The following ACSBG1 variants were observed in gnomAD, a reference collection of about 807,000 sequenced individuals.
The protein encoded by ACSBG1 is acyl-CoA synthetase bubblegum family member 1.
Under a neutral mutation model 80.2 loss-of-function variants are expected in ACSBG1, and 39 were observed. The observed-to-expected ratio is 0.49, with a 90% CI of 0.38 to 0.64. The LOEUF (loss-of-function observed/expected upper bound fraction) is 0.64. Among genes scored for constraint, ACSBG1 ranks in the 30% least tolerant of loss-of-function variants. The pLI, the probability that ACSBG1 is intolerant of heterozygous loss-of-function variation, is 0.00. For missense variants in ACSBG1, 828 were observed against 966.4 expected, an observed-to-expected ratio of 0.86 and a Z score of 1.90; for synonymous variants, 392 against 379.5, an observed-to-expected ratio of 1.03 and a Z score of -0.38.
Position 78,178,634 on chromosome 15 carries a change from T to C in ACSBG1, c.1682A>G (p.Tyr561Cys), listed in dbSNP as rs2074907366. 6.2e-7 allele frequency: 1 copy of C among 1,612,880 alleles called. No individual in the cohort carries two copies. The highest frequency in any genetic ancestry group is 8.5e-7 in the Non-Finnish European group (1 of 1,179,634). Residue 561 changes from tyrosine (Y) to cysteine (C), a missense_variant, in exon 11 of 14, where the codon TAC becomes TGC. Around this residue, in one of 3 missense-constraint regions of ACSBG1, gnomAD observed 201 missense variants for 227.0 expected, o/e 0.89. Transcript: ENST00000258873. This position sits in a 1 kb window ranked among gnomAD's most constrained non-coding sequence, Gnocchi z 4.3. ...CTCACCTTTGAGGCGCCCAGTGATG[T>C]AGAGGAAGCCATCGGCGTCCAGGCG... Reference protein sequence around the residue: ...AGRLDADGFLYITGRLKELII... With the variant: ...AGRLDADGFLCITGRLKELII...
intron 2 of ACSBG1, among the ~76,000 whole-genome samples, chr15:78,199,645 C>T (rs1008750260): frequency 1.3e-5 from 2 of 151,466 alleles, no homozygotes; most frequent in African/African-American, 2.4e-5. Flanking sequence ...CAGGTGCATG[C>T]CACCATTCCC....
rs764526712 is a variant in ACSBG1 at position 78,208,074 on chromosome 15, T to C, written c.160A>G (p.Lys54Glu). The part of the protein sequence containing the change: ...SSLTDRQPLS[K>E]ESLNHALELS... ...TCGAGAGCATGGTTCAGGGACTCTT[T>C]GGAGAGTGGCTGCCTGTCAGTCAGT... The change falls in exon 2 of 14, where the codon AAA (lysine) becomes GAA (glutamate). Residue 54 changes from lysine to glutamate, a missense_variant. Lys to Glu is a moderately conservative substitution (Grantham distance 56). Transcript: ENST00000258873. 1 of 1,614,072 alleles carries C rather than the reference T, an allele frequency of 6.2e-7. No homozygotes were observed. The highest frequency in any genetic ancestry group is 8.5e-7 in the Non-Finnish European group (1 of 1,179,994).
intron 2 of ACSBG1, among the ~76,000 whole-genome samples, chr15:78,204,824 C>A (rs536685318): frequency 8.5e-5 from 13 of 152,334 alleles, no homozygotes; most frequent in South Asian, 2.1e-4. Flanking sequence ...GGCTCCCTAG[C>A]GCATAGCTCC....
At chr15:78,217,655 C>T (rs1485839776) in intron 1 of ACSBG1, among the ~76,000 whole-genome samples, 1 of 151,814 alleles carries the variant, frequency 6.6e-6, no homozygotes, top group African/African-American at 2.4e-5. Context: ...CAACCACTGC[C>T]TCCTGGGTTC....
At chr15:78,214,365 C>T (rs1411379630) in intron 1 of ACSBG1, among the ~76,000 whole-genome samples, 1 of 152,126 alleles carries the variant, frequency 6.6e-6, no homozygotes, top group South Asian at 2.1e-4. Context: ...TTGCCTCTGG[C>T]GTGAGTGAGG....
At chr15:78,230,241 G>C (rs2075435559) in intron 1 of ACSBG1, among the ~76,000 whole-genome samples, 2 of 152,194 alleles carry the variant, frequency 1.3e-5, no homozygotes, top group Admixed American at 1.3e-4. Flanking sequence ...AGACCCCACG[G>C]GTTTTGCCTC....
At chr15:78,186,982 T>C (rs1434589379) in intron 5 of ACSBG1, among the ~76,000 whole-genome samples, 1 of 152,016 alleles carries the variant, frequency 6.6e-6, no homozygotes, top group Non-Finnish European at 1.5e-5. Context: ...TAAAAAATGA[T>C]AAAGGGGATA....
At position 78,193,405 on chromosome 15, in the gene ACSBG1, G is replaced by T. The variant is rs1309773550; in HGVS notation, c.663+101C>A. On this transcript the variant is annotated intron_variant, in intron 5 of 13. Coordinates refer to ENST00000258873, the MANE Select transcript of ACSBG1 (RefSeq NM_015162.5). The stretch of plus-strand genomic sequence containing the variant: ...TTAGAGGGTTGCCGTTGAGGATGAG[G>T]ACACTCTGGATGGAGGGCGGGAAGG... 5 of 1,500,268 alleles carry T rather than the reference G, an allele frequency of 3.3e-6. No homozygotes were observed. The African/African-American group carries it at 7.0e-5, about 21-fold the overall frequency. The allele number at this position is 1,500,268 out of a possible 1,614,324, so 92.9% of individuals were successfully genotyped here. A position where few individuals can be genotyped will look rare whatever the true frequency, so the allele number is the denominator to read the frequency against.
chr15:78,200,155 G>A (rs1448029241), intron 2 of ACSBG1, among the ~76,000 whole-genome samples: 3 of 152,188 alleles, frequency 2.0e-5, no homozygotes, highest in South Asian at 2.1e-4. Context: ...CTTCCATGGA[G>A]CCTGTGCTTT....
At chr15:78,202,400 G>T (rs572224931) in intron 2 of ACSBG1, among the ~76,000 whole-genome samples, 1 of 151,996 alleles carries the variant, frequency 6.6e-6, no homozygotes, top group Non-Finnish European at 1.5e-5. Context: ...TAGTAGAGAC[G>T]GGGTATCACT....
At chr15:78,209,079 C>T (rs2075244631) in intron 1 of ACSBG1, 1 of 362,924 alleles carries the variant, frequency 2.8e-6, no homozygotes, top group African/African-American at 2.9e-5. Flanking sequence ...CCAGGGAGCC[C>T]TGTCTGTCAG....
At chr15:78,184,476 C>G (rs2074979901) in intron 5 of ACSBG1, among the ~76,000 whole-genome samples, 1 of 152,020 alleles carries the variant, frequency 6.6e-6, no homozygotes, top group South Asian at 2.1e-4. Flanking sequence ...AGCTGCTGCA[C>G]CTGGCCTTAT....
chr15:78,170,276 C>T lies in ACSBG1; in HGVS notation c.*1168G>A, dbSNP rs1332672313. 6.6e-6 allele frequency: 1 copy of T among 152,100 alleles called. No homozygotes were observed. Among genetic ancestry groups the T allele is most frequent in the African/African-American group, 2.4e-5 (1 of 41,384 alleles). The allele number at this position is 152,100 out of a possible 1,614,324, so 9.4% of individuals were successfully genotyped here. A position where few individuals can be genotyped will look rare whatever the true frequency, so the allele number is the denominator to read the frequency against. ...GAACAGTTACCCTCTGTCCCCACAA[C>T]CAAAGACAACTCATGGCCTCCTTTG... On this transcript the variant is annotated 3_prime_UTR_variant, in exon 14 of 14. Coordinates refer to ENST00000258873, the MANE Select transcript of ACSBG1 (RefSeq NM_015162.5).
chr15:78,230,014 G>A (rs2075433317), intron 1 of ACSBG1, among the ~76,000 whole-genome samples: 1 of 152,204 alleles, frequency 6.6e-6, no homozygotes, highest in African/African-American at 2.4e-5. Flanking sequence ...AACACAGGAT[G>A]GACTGTCCTC....
At chr15:78,174,737 T>C (rs2074866154) in intron 11 of ACSBG1, 4 of 567,836 alleles carry the variant, frequency 7.0e-6, no homozygotes, top group African/African-American at 1.9e-5. Context: ...CACCCAAGTT[T>C]CCCTCTCCTC....
rs2074765664 is a variant in ACSBG1, at chr15:78,167,908, T to C, written c.*3536A>G. On this transcript the variant is annotated 3_prime_UTR_variant, in exon 14 of 14. Coordinates refer to ENST00000258873, the MANE Select transcript of ACSBG1 (RefSeq NM_015162.5). ...GTTTTTAACAGCCTGATAGTCACAT[T>C]GGAGGTCATATGATTTTCTTATTCT... is the stretch of plus-strand genomic sequence containing the variant. The C allele has an allele frequency of 2.0e-5, 3 of 152,236 alleles. No individual in the cohort carries two copies. In the South Asian group the frequency reaches 6.2e-4, roughly 31 times the overall value. The allele number at this position is 152,236 out of a possible 1,614,324, so 9.4% of individuals were successfully genotyped here. A position where few individuals can be genotyped will look rare whatever the true frequency, so the allele number is the denominator to read the frequency against.
intron 1 of ACSBG1, among the ~76,000 whole-genome samples, chr15:78,210,208 G>C (rs57491843): frequency 0.13 from 19,199 of 152,214 alleles, 1,351 homozygotes; most frequent in Middle Eastern, 0.22. Context: ...AGGGTGGACC[G>C]TGGCCCTCTG....
At chr15:78,195,846 A>T (rs1272412238) in intron 2 of ACSBG1, among the ~76,000 whole-genome samples, 2 of 152,048 alleles carry the variant, frequency 1.3e-5, no homozygotes. Flanking sequence ...TGCTGGCCAG[A>T]CCCACCTCGC....
intron 5 of ACSBG1, among the ~76,000 whole-genome samples, chr15:78,183,806 G>A (rs1260306703): frequency 6.7e-6 from 1 of 149,564 alleles, no homozygotes; most frequent in Non-Finnish European, 1.5e-5. Context: ...TACTTGGGAG[G>A]CTGAGGCAGA....
Sources: gnomAD v4.1 joint callset for allele counts (sites outside exome capture counted in the v4.1 genomes callset) on GRCh38, gnomAD v4.1.1 for gene constraint, gnomAD v4.1.1 regional missense constraint, Gnocchi (gnomAD v3.1) non-coding constraint, MANE v1.5 for transcripts, NCBI Gene and HGNC (gene_info 2026-07-23, HGNC 2026-07-21) for gene names.